PTBP3: variants seen among roughly 807,000 people sequenced by gnomAD.
The protein encoded by PTBP3 is polypyrimidine tract binding protein 3.
A neutral mutation model predicts 58.7 loss-of-function variants in PTBP3; 20 were observed. The observed-to-expected ratio is 0.34, with a 90% CI of 0.24 to 0.50. The LOEUF (loss-of-function observed/expected upper bound fraction) is 0.50. Ranked by LOEUF, PTBP3 falls within the 20% of genes least tolerant of loss-of-function variation. The probability of loss-of-function intolerance (pLI) is 0.98; values close to 1 mark genes in which losing one functional copy is unlikely to be tolerated. For missense variants in PTBP3, 509 were observed against 637.2 expected (o/e 0.80, Z 2.17); for synonymous variants, 185 against 219.8 (o/e 0.84, Z 1.40).
chr9:112,241,294 G>A (rs1011027027), intron 7 of PTBP3, among the ~76,000 whole-genome samples: 5 of 152,044 alleles, frequency 3.3e-5, no homozygotes, highest in African/African-American at 1.2e-4. Context: ...AGTACAGATG[G>A]GGTTTCATCA....
the PTBP3 span, among the ~76,000 whole-genome samples, chr9:112,367,137 C>T: frequency 3.0e-3 from 459 of 152,280 alleles, 1 homozygote; most frequent in Non-Finnish European, 4.4e-3. Context: ...TTTCTTCCCA[C>T]ATTTTATGTT....
the PTBP3 span, among the ~76,000 whole-genome samples, chr9:112,374,647 T>C: frequency 2.0e-5 from 3 of 152,214 alleles, no homozygotes; most frequent in South Asian, 6.2e-4. Flanking sequence ...GTGAATTCCA[T>C]GAGCATGAGC....
chr9:112,256,723 A>G (rs1380925344), intron 5 of PTBP3, among the ~76,000 whole-genome samples: 1 of 151,842 alleles, frequency 6.6e-6, no homozygotes, highest in Non-Finnish European at 1.5e-5. Context: ...GGGTCTCGCT[A>G]CCTTACCCAG....
At chr9:112,319,468 AATC>A (rs1409333297) in intron 1 of PTBP3, among the ~76,000 whole-genome samples, 2 of 152,226 alleles carry the variant, frequency 1.3e-5, no homozygotes, top group African/African-American at 2.4e-5. Context: ...TAACATCACT[AATC>A]ATCAAGACAC....
chr9:112,291,791 T>C (rs761055800), intron 2 of PTBP3, among the ~76,000 whole-genome samples: 2 of 152,184 alleles, frequency 1.3e-5, no homozygotes, highest in Non-Finnish European at 2.9e-5. Flanking sequence ...GGGGAAAGCT[T>C]CATGACAGTG....
upstream of PTBP3, among the ~76,000 whole-genome samples, chr9:112,335,797 C>T (rs567489834): frequency 1.1e-4 from 16 of 147,738 alleles, no homozygotes; most frequent in East Asian, 2.5e-3. Context: ...TGGTGGTGCA[C>T]GCCTGTAATC....
At chr9:112,345,895 C>G in the PTBP3 span, among the ~76,000 whole-genome samples, 1 of 151,774 alleles carries the variant, frequency 6.6e-6, no homozygotes, top group Non-Finnish European at 1.5e-5. Context: ...CGCTCTGTTG[C>G]CCAGGCTGGA....
At chr9:112,264,584 A>G (rs1836722964) in intron 4 of PTBP3, among the ~76,000 whole-genome samples, 1 of 152,220 alleles carries the variant, frequency 6.6e-6, no homozygotes, top group South Asian at 2.1e-4. Context: ...GCTTTCTGGG[A>G]ATGTCAGAAT....
the PTBP3 span, among the ~76,000 whole-genome samples, chr9:112,359,632 C>T: frequency 6.6e-6 from 1 of 151,958 alleles, no homozygotes; most frequent in South Asian, 2.1e-4. Context: ...GTTGAAACCC[C>T]GTCTCTACAA....
At chr9:112,298,954 T>C (rs1228393813) in intron 1 of PTBP3, among the ~76,000 whole-genome samples, 2 of 152,122 alleles carry the variant, frequency 1.3e-5, no homozygotes. Context: ...AAAAGAAAAC[T>C]GAAAATCTCA....
At chr9:112,375,319 T>C in the PTBP3 span, among the ~76,000 whole-genome samples, 28 of 152,336 alleles carry the variant, frequency 1.8e-4, no homozygotes, top group Middle Eastern at 3.4e-3. Flanking sequence ...GCCCATGAAT[T>C]AGTGTATAAT....
At chr9:112,230,983 C>T (rs1003258257) in intron 10 of PTBP3, among the ~76,000 whole-genome samples, 1 of 140,832 alleles carries the variant, frequency 7.1e-6, no homozygotes, top group Admixed American at 6.9e-5. Context: ...TCCACCTTCA[C>T]CAGGTCTCCA....
At chr9:112,253,882 TTATA>T (rs1326564272) in intron 5 of PTBP3, among the ~76,000 whole-genome samples, 2 of 152,182 alleles carry the variant, frequency 1.3e-5, no homozygotes, top group African/African-American at 4.8e-5. Flanking sequence ...CCTCTTTTGT[TTATA>T]AATTACCCAG....
At chr9:112,326,646 T>G (rs796350013) in intron 1 of PTBP3, among the ~76,000 whole-genome samples, 10 of 152,368 alleles carry the variant, frequency 6.6e-5, no homozygotes, top group African/African-American at 2.2e-4. Context: ...AGAAAAAGTC[T>G]AAAACATATT....
intron 1 of PTBP3, among the ~76,000 whole-genome samples, 155 bp from the exon 2 acceptor site, chr9:112,298,071 T>G (rs1313365974): frequency 6.6e-6 from 1 of 152,162 alleles, no homozygotes; most frequent in African/African-American, 2.4e-5. Flanking sequence ...ATGAACTGCA[T>G]AGCAAGAAAA....
chr9:112,338,494 A>T (rs993660032), upstream of PTBP3, among the ~76,000 whole-genome samples: 1 of 152,216 alleles, frequency 6.6e-6, no homozygotes, highest in African/African-American at 2.4e-5. Flanking sequence ...TTATTTCAAA[A>T]TAAAGAAACC....
chr9:112,227,331 T>G, intron 12 of PTBP3, 80 bp downstream of exon 12: 1 of 1,440,680 alleles, frequency 6.9e-7, no homozygotes, highest in South Asian at 1.2e-5. Flanking sequence ...TAGAACAATT[T>G]CAGAAGTTTT....
At chr9:112,316,705 C>T (rs962305791) in intron 1 of PTBP3, among the ~76,000 whole-genome samples, 4 of 151,908 alleles carry the variant, frequency 2.6e-5, no homozygotes, top group Middle Eastern at 3.2e-3. Flanking sequence ...TTTGGGAGGC[C>T]GAGGCGGGTG....
chr9:112,367,411 C>T, the PTBP3 span, among the ~76,000 whole-genome samples: 1 of 152,108 alleles, frequency 6.6e-6, no homozygotes, highest in African/African-American at 2.4e-5. Flanking sequence ...GTGATGAACT[C>T]CCACAGGTTT....
Sources: allele counts gnomAD v4.1 joint callset (sites outside exome capture counted in the v4.1 genomes callset), GRCh38; gene constraint gnomAD v4.1.1; transcripts MANE v1.5; gene names NCBI Gene and HGNC (gene_info 2026-07-23, HGNC 2026-07-21).